Variants in RBFOX1 observed in about 807,000 individuals in gnomAD.
RBFOX1 encodes the protein RNA binding protein fox-1 homolog 1.
A neutral mutation model predicts 57.7 loss-of-function variants in RBFOX1; 8 were observed. The observed-to-expected ratio is 0.14, with a 90% confidence interval of 0.08 to 0.25. The LOEUF (loss-of-function observed/expected upper bound fraction) is 0.25. Ranked by LOEUF, RBFOX1 falls within the 10% of genes least tolerant of loss-of-function variation. The probability of loss-of-function intolerance (pLI) is 1.00; values close to 1 mark genes in which losing one functional copy is unlikely to be tolerated. For missense variants in RBFOX1, 611 were observed against 548.5 expected (o/e 1.11, Z -1.14); for synonymous variants, 326 against 222.4 (o/e 1.47, Z -4.15).
intron 2 of RBFOX1, among the ~76,000 whole-genome samples, chr16:6,556,933 G>C (rs1333972072): frequency 6.7e-6 from 1 of 150,154 alleles, no homozygotes; most frequent in Non-Finnish European, 1.5e-5. Flanking sequence ...GTCATCCATT[G>C]CTGAGCCATG....
rs767830099 is a variant in RBFOX1, at chr16:5,403,349, C to CAA, written c.220-63850_220-63849dup. 1.8e-3 allele frequency among the ~76,000 whole-genome samples: 150 copies of CAA among 82,188 alleles called. 1 individual carries two copies. In the Middle Eastern group the frequency reaches 0.028, roughly 16 times the overall value. The allele number at this position is 82,188 out of a possible 152,430, so 53.9% of individuals were successfully genotyped here. The stretch of plus-strand genomic sequence containing the variant: ...TGGGAAACAGACTGAAACGCTGTCT[C>CAA]AAAAAAAAAAAAAAAAAACAAAAAA... On this transcript the variant is annotated intron_variant, in intron 1 of 2. Coordinates refer to the RBFOX1 transcript ENST00000585867.
rs1193410083 is a variant in RBFOX1 at position 6,087,876 on chromosome 16, C to G, written c.-127+67884C>G. On this transcript the variant is annotated intron_variant, in intron 1 of 15. Transcript: ENST00000550418. ...CCATGGTGGCCAGAATGGTCTCGAT[C>G]TCTTGACCTTGTGATCCACCTGCCT... is the stretch of plus-strand genomic sequence containing the variant. 2.0e-5 allele frequency among the ~76,000 whole-genome samples: 3 copies of G among 152,268 alleles called. 1 individual carries two copies. In the South Asian group the frequency reaches 6.2e-4, roughly 32 times the overall value.
chr16:7,496,611 T>A (rs1381604525), intron 4 of RBFOX1, among the ~76,000 whole-genome samples: 1 of 152,126 alleles, frequency 6.6e-6, no homozygotes, highest in African/African-American at 2.4e-5. Flanking sequence ...TTCAAGTACT[T>A]GTCCACATTC....
intron 2 of RBFOX1, among the ~76,000 whole-genome samples, chr16:6,448,626 C>G (rs1277570106): frequency 6.6e-6 from 1 of 152,118 alleles, no homozygotes; most frequent in East Asian, 1.9e-4. Flanking sequence ...TTCTTTTTCC[C>G]CCTAAATGTC....
chr16:6,233,530 G>T (rs536304648), intron 1 of RBFOX1, among the ~76,000 whole-genome samples: 1 of 152,084 alleles, frequency 6.6e-6, no homozygotes. Context: ...TCCTTCGTGT[G>T]GGTGGAGGCA....
chr16:7,348,812 C>T (rs1344777268), intron 4 of RBFOX1, among the ~76,000 whole-genome samples: 12 of 152,038 alleles, frequency 7.9e-5, no homozygotes, highest in Admixed American at 7.9e-4. Context: ...GGTGGTGGCA[C>T]GTGCTTGTAA....
At chr16:6,000,468 G>C (rs1364273702) in intron 4 of RBFOX1, among the ~76,000 whole-genome samples, 1 of 152,174 alleles carries the variant, frequency 6.6e-6, no homozygotes, top group Non-Finnish European at 1.5e-5. Context: ...CATCTGGAGA[G>C]TATAAAATTG....
chr16:5,786,661 C>G (rs1032989748), intron 3 of RBFOX1, among the ~76,000 whole-genome samples: 1 of 152,182 alleles, frequency 6.6e-6, no homozygotes, highest in African/African-American at 2.4e-5. Context: ...TGCCCTCATC[C>G]CAAACCTGGA....
intron 1 of RBFOX1, among the ~76,000 whole-genome samples, chr16:6,153,678 G>T (rs1311008624): frequency 1.3e-5 from 2 of 152,100 alleles, no homozygotes. Context: ...TGGGATTACA[G>T]GTGCCCACCA....
intron 1 of RBFOX1, among the ~76,000 whole-genome samples, chr16:5,433,111 C>T (rs1452782294): frequency 6.6e-6 from 1 of 152,150 alleles, no homozygotes; most frequent in African/African-American, 2.4e-5. Context: ...CCTGAGCTTC[C>T]ACTGTGCAGA....
intron 3 of RBFOX1, among the ~76,000 whole-genome samples, chr16:6,931,681 A>T (rs1312199113): frequency 1.3e-5 from 2 of 152,124 alleles, no homozygotes; most frequent in Non-Finnish European, 2.9e-5. Flanking sequence ...AGGCTCACAG[A>T]CTCAAAGTCA....
At chr16:7,226,192 C>T (rs144538126) in intron 4 of RBFOX1, among the ~76,000 whole-genome samples, 3 of 152,248 alleles carry the variant, frequency 2.0e-5, no homozygotes, top group East Asian at 3.9e-4. Context: ...TCTCAGGTAC[C>T]CTGTGCACAT....
chr16:7,579,442 C>T (rs781410642), intron 5 of RBFOX1, among the ~76,000 whole-genome samples: 10 of 152,074 alleles, frequency 6.6e-5, no homozygotes, highest in Non-Finnish European at 1.3e-4. Context: ...AGTCCCCTTC[C>T]TTTGCTTTTT....
chr16:6,597,750 A>G (rs962870457), intron 2 of RBFOX1, among the ~76,000 whole-genome samples: 1 of 152,186 alleles, frequency 6.6e-6, no homozygotes, highest in African/African-American at 2.4e-5. Context: ...CAGGAAAGGT[A>G]GCCAGGATTT....
chr16:7,611,530 GATTGCACC>G (rs1489207310), intron 10 of RBFOX1, among the ~76,000 whole-genome samples: 1 of 150,470 alleles, frequency 6.6e-6, no homozygotes, highest in Non-Finnish European at 1.5e-5. Context: ...AGTGAGCCAA[GATTGCACC>G]ATTGCACTGC....
chr16:6,786,356 G>A (rs1305537634), intron 3 of RBFOX1, among the ~76,000 whole-genome samples: 2 of 152,164 alleles, frequency 1.3e-5, no homozygotes, highest in African/African-American at 4.8e-5. Flanking sequence ...AATGAGGAGA[G>A]TCCCTGTTGT....
chr16:7,081,327 G>A (rs973745176), intron 4 of RBFOX1, among the ~76,000 whole-genome samples: 2 of 152,180 alleles, frequency 1.3e-5, no homozygotes, highest in African/African-American at 4.8e-5. Context: ...GAGCCACCAC[G>A]CCCGGCCCAC....
At chr16:6,213,759 C>G (rs2097313564) in intron 1 of RBFOX1, among the ~76,000 whole-genome samples, 1 of 152,224 alleles carries the variant, frequency 6.6e-6, no homozygotes, top group Non-Finnish European at 1.5e-5. Flanking sequence ...CCTTTGTCTA[C>G]TGAGCGAAAG....
intron 1 of RBFOX1, among the ~76,000 whole-genome samples, chr16:5,447,702 C>G (rs571528334): frequency 5.1e-4 from 77 of 152,324 alleles, no homozygotes; most frequent in African/African-American, 1.2e-3. Context: ...GGCTGCCATT[C>G]TCTCTTTCTA....
Sources: gnomAD v4.1 joint callset for allele counts (sites outside exome capture counted in the v4.1 genomes callset) on GRCh38, gnomAD v4.1.1 for gene constraint, MANE v1.5 for transcripts, NCBI Gene and HGNC (gene_info 2026-07-23, HGNC 2026-07-21) for gene names.